Variants in TMEM87B observed in about 807,000 individuals in gnomAD.
The protein encoded by TMEM87B is transmembrane protein 87B.
Under a neutral mutation model 80.3 loss-of-function variants are expected in TMEM87B, and 83 were observed. The observed-to-expected ratio is 1.03, with a 90% CI of 0.87 to 1.24. The LOEUF (loss-of-function observed/expected upper bound fraction) is 1.24. Among genes scored for constraint, TMEM87B ranks in the 50% most tolerant of loss-of-function variants. The pLI is 0.00. For synonymous variants in TMEM87B, 219 were observed against 230.5 expected, an observed-to-expected ratio of 0.95 and a Z score of 0.45; for missense variants, 625 against 674.4, an observed-to-expected ratio of 0.93 and a Z score of 0.81.
chr2:112,073,176 A>G (rs1678709970), intron 4 of TMEM87B, among the ~76,000 whole-genome samples: 4 of 152,146 alleles, frequency 2.6e-5, no homozygotes, highest in Non-Finnish European at 5.9e-5. Context: ...CTGGGATTAC[A>G]GGATTACAGG....
rs750453613 is a variant in TMEM87B, at chr2:112,081,504, A to G, written c.824A>G (p.Asn275Ser). The part of the protein sequence containing the change: ...VFYSEYQNIS[N>S]TGLSTQGLLI... ...TATAGTGAATACCAAAACATCAGCA[A>G]CACTGGACTGTCAAGTAAGTTTTGA... Residue 275 changes from asparagine (N) to serine (S), a missense_variant, in exon 8 of 19, where the codon AAC becomes AGC. Coordinates refer to ENST00000283206, the MANE Select transcript of TMEM87B (RefSeq NM_032824.3). 7.5e-6 allele frequency: 12 copies of G among 1,608,120 alleles called. No individual in the cohort carries two copies. Among genetic ancestry groups the G allele is most frequent in the Middle Eastern group, 3.9e-4 (2 of 5,122 alleles).
At chr2:112,076,692 T>C (rs1272619830) in intron 5 of TMEM87B, among the ~76,000 whole-genome samples, 1 of 152,126 alleles carries the variant, frequency 6.6e-6, no homozygotes, top group Non-Finnish European at 1.5e-5. Context: ...TTGGTAATAT[T>C]AGAGGGAACC....
intron 11 of TMEM87B, among the ~76,000 whole-genome samples, chr2:112,094,903 A>G (rs1255117572): frequency 6.6e-6 from 1 of 151,934 alleles, no homozygotes; most frequent in Non-Finnish European, 1.5e-5. Context: ...AAGATAGCAG[A>G]TTTCCTAAAT....
At chr2:112,061,460 G>A (rs1170837494) in intron 2 of TMEM87B, among the ~76,000 whole-genome samples, 3 of 152,176 alleles carry the variant, frequency 2.0e-5, no homozygotes, top group Non-Finnish European at 4.4e-5. Context: ...CTAGCCAGCA[G>A]CTAGAAAGCA....
intron 15 of TMEM87B, among the ~76,000 whole-genome samples, chr2:112,105,665 C>G (rs1446489309): frequency 4.6e-5 from 7 of 152,146 alleles, no homozygotes; most frequent in Non-Finnish European, 7.4e-5. Context: ...CTTGAATGTA[C>G]CATGAATCCT....
At chr2:112,077,457 A>G (rs528163693) in intron 6 of TMEM87B, among the ~76,000 whole-genome samples, 175 bp downstream of exon 6, 7 of 152,328 alleles carry the variant, frequency 4.6e-5, no homozygotes, top group African/African-American at 1.2e-4. Flanking sequence ...TATTGCTACT[A>G]TTTATTTTTT....
At chr2:112,089,419 G>T (rs1442097175) in intron 9 of TMEM87B, among the ~76,000 whole-genome samples, 1 of 152,192 alleles carries the variant, frequency 6.6e-6, no homozygotes, top group Non-Finnish European at 1.5e-5. Context: ...TGCTTCAAAG[G>T]CATCAGTATA....
intron 6 of TMEM87B, among the ~76,000 whole-genome samples, chr2:112,080,505 C>T (rs551793961): frequency 4.7e-4 from 72 of 151,928 alleles, no homozygotes; most frequent in Admixed American, 1.8e-3. Context: ...GTAATCCGCC[C>T]GCCTTGGCCT....
intron 4 of TMEM87B, among the ~76,000 whole-genome samples, chr2:112,071,936 T>TA (rs145136827): frequency 0.023 from 3,448 of 152,282 alleles, 36 homozygotes; most frequent in African/African-American, 0.029. Context: ...AGGTGGCTCT[T>TA]ATTATTTTGA....
At chr2:112,086,480 ACTT>A (rs1679148121) in intron 9 of TMEM87B, among the ~76,000 whole-genome samples, 1 of 152,098 alleles carries the variant, frequency 6.6e-6, no homozygotes, top group African/African-American at 2.4e-5. Flanking sequence ...AGTCAGCAAA[ACTT>A]CTGACTGAAA....
chr2:112,098,648 T>C lies in TMEM87B; in HGVS notation c.1326T>C (p.Leu442=), dbSNP rs368997447. The change falls in exon 14 of 19, where the codon CTT becomes CTC. Residue 442 remains leucine, a synonymous_variant. Coordinates refer to ENST00000283206, the MANE Select transcript of TMEM87B (RefSeq NM_032824.3). ...CATTTTGGAGCTTCCTTTTTTCGCTTATCCTTATTGTAATCATGTTTTTGT... is the reference window on the plus strand; with the variant it reads ...CATTTTGGAGCTTCCTTTTTTCGCTCATCCTTATTGTAATCATGTTTTTGT... ...DDAFWSFLFS[L]ILIVIMFLWR... is the part of the protein sequence containing the mutation. 7 of 1,614,200 alleles carry C rather than the reference T, an allele frequency of 4.3e-6. No individual in the cohort carries two copies. The South Asian group carries it at 6.6e-5, about 15-fold the overall frequency.
chr2:112,063,535 C>T (rs116726632), intron 2 of TMEM87B, among the ~76,000 whole-genome samples: 2,530 of 152,294 alleles, frequency 0.017, 71 homozygotes, highest in African/African-American at 0.058. Context: ...TCATGCTGTG[C>T]TTTCACTCAC....
intron 15 of TMEM87B, among the ~76,000 whole-genome samples, chr2:112,102,358 T>C (rs1386689310): frequency 6.6e-6 from 1 of 152,232 alleles, no homozygotes; most frequent in African/African-American, 2.4e-5. Context: ...AAGGCTGTTT[T>C]AACATTCCGA....
At position 112,067,176 on chromosome 2, in the gene TMEM87B, C is replaced by T. The variant is rs527698029; in HGVS notation, c.450+109C>T. 43 of 1,411,322 alleles carry T rather than the reference C, an allele frequency of 3.0e-5. No homozygotes were observed. In the African/African-American group the frequency reaches 5.5e-4, roughly 18 times the overall value. 87.4% of individuals were successfully genotyped at this position (1,411,322 alleles called of 1,614,324 possible). ...TTGATAAAGGTGGTATCTGACTTGC[C>T]ATGTTAAAATAAAGTTTATTTTATT... On this transcript the variant is annotated intron_variant, in intron 4 of 18. Coordinates refer to ENST00000283206, the MANE Select transcript of TMEM87B (RefSeq NM_032824.3).
chr2:112,073,382 G>T (rs1411778638), intron 4 of TMEM87B, among the ~76,000 whole-genome samples: 1 of 152,138 alleles, frequency 6.6e-6, no homozygotes, highest in Non-Finnish European at 1.5e-5. Flanking sequence ...TTCAGGAGCA[G>T]GTTGTTTAAT....
chr2:112,098,275 A>G (rs1337524621), intron 13 of TMEM87B, among the ~76,000 whole-genome samples: 1 of 152,204 alleles, frequency 6.6e-6, no homozygotes, highest in Non-Finnish European at 1.5e-5. Flanking sequence ...CTTAGAGACA[A>G]TTTAATAAAA....
chr2:112,077,439 A>T (rs1209158347), intron 6 of TMEM87B, among the ~76,000 whole-genome samples, 157 bp downstream of exon 6: 1 of 152,182 alleles, frequency 6.6e-6, no homozygotes, highest in African/African-American at 2.4e-5. Context: ...TGTAACATTA[A>T]GTTATCTTAT....
At chr2:112,060,735 C>A (rs918329591) in intron 2 of TMEM87B, among the ~76,000 whole-genome samples, 3 of 151,978 alleles carry the variant, frequency 2.0e-5, no homozygotes, top group African/African-American at 7.3e-5. Context: ...TGGGGTTTCA[C>A]CATGTTGGCC....
chr2:112,077,087 A>G (rs1678847868), intron 5 of TMEM87B, 105 bp from the exon 6 acceptor site: 1 of 538,034 alleles, frequency 1.9e-6, no homozygotes, highest in African/African-American at 2.0e-5. Context: ...AAAATTTAAA[A>G]AGTAACCCGA....
Sources: gnomAD v4.1 joint callset for allele counts (sites outside exome capture counted in the v4.1 genomes callset) on GRCh38, gnomAD v4.1.1 for gene constraint, MANE v1.5 for transcripts, NCBI Gene and HGNC (gene_info 2026-07-23, HGNC 2026-07-21) for gene names.